Variants in CPQ observed in about 807,000 individuals in gnomAD.
The protein encoded by CPQ is carboxypeptidase Q.
A neutral mutation model predicts 45.7 loss-of-function variants in CPQ; 37 were observed. The ratio of observed to expected loss-of-function variants is 0.81; its 90% CI spans 0.62 to 1.07. The LOEUF is 1.07. Among genes scored for constraint, CPQ ranks in the 50% least tolerant of loss-of-function variants. The probability of loss-of-function intolerance (pLI) is 0.00; values close to 1 mark genes in which losing one functional copy is unlikely to be tolerated. For missense variants in CPQ, 537 were observed against 572.9 expected (o/e 0.94, Z 0.64); for synonymous variants, 186 against 205.8 (o/e 0.90, Z 0.82).
At chr8:97,137,501 G>T (rs1812080814) in intron 7 of CPQ, among the ~76,000 whole-genome samples, 1 of 152,154 alleles carries the variant, frequency 6.6e-6, no homozygotes, top group Non-Finnish European at 1.5e-5. Context: ...ACTCTGTGGG[G>T]TCCAGAGAGC....
chr8:96,927,046 G>A (rs543918085), intron 4 of CPQ, among the ~76,000 whole-genome samples: 1 of 152,366 alleles, frequency 6.6e-6, no homozygotes, highest in African/African-American at 2.4e-5. Flanking sequence ...AGGTAGCAGA[G>A]CGATGACTAT....
chr8:97,135,036 C>G (rs994667608), intron 7 of CPQ, among the ~76,000 whole-genome samples: 27 of 152,172 alleles, frequency 1.8e-4, no homozygotes, highest in African/African-American at 6.5e-4. Context: ...TCACACAGTT[C>G]AGATACTGTG....
chr8:96,934,073 A>G (rs1813012870), intron 4 of CPQ, among the ~76,000 whole-genome samples: 1 of 152,202 alleles, frequency 6.6e-6, no homozygotes, highest in Admixed American at 6.5e-5. Flanking sequence ...AGTAGGAGCC[A>G]TCAGTGGATA....
At chr8:96,691,804 G>A (rs1237526304) in intron 1 of CPQ, among the ~76,000 whole-genome samples, 2 of 152,172 alleles carry the variant, frequency 1.3e-5, no homozygotes, top group African/African-American at 4.8e-5. Context: ...ATGCTGGTAT[G>A]AGAAGTGGCT....
At chr8:96,899,394 A>G (rs1370240067) in intron 4 of CPQ, among the ~76,000 whole-genome samples, 1 of 152,224 alleles carries the variant, frequency 6.6e-6, no homozygotes, top group East Asian at 1.9e-4. Flanking sequence ...TATACATTGT[A>G]TTAGACCATT....
chr8:96,898,439 A>G (rs1001068479), intron 4 of CPQ, among the ~76,000 whole-genome samples: 1 of 152,154 alleles, frequency 6.6e-6, no homozygotes, highest in African/African-American at 2.4e-5. Context: ...CTGAGGAGGT[A>G]GCAAATGCAG....
intron 5 of CPQ, among the ~76,000 whole-genome samples, chr8:96,967,926 A>C (rs1813597613): frequency 6.6e-6 from 1 of 152,228 alleles, no homozygotes; most frequent in African/African-American, 2.4e-5. Flanking sequence ...TGCTTTGAAA[A>C]TTAAATAAGC....
chr8:96,863,210 T>C (rs1195425894), intron 3 of CPQ, among the ~76,000 whole-genome samples: 3 of 151,998 alleles, frequency 2.0e-5, no homozygotes, highest in Non-Finnish European at 4.4e-5. Flanking sequence ...TAAGGAAACA[T>C]GTTTGGAGCA....
chr8:96,817,537 ACAGC>A (rs1316974962), intron 2 of CPQ, among the ~76,000 whole-genome samples: 2 of 152,006 alleles, frequency 1.3e-5, no homozygotes, highest in Non-Finnish European at 1.5e-5. Context: ...TTCTGTCCAG[ACAGC>A]CAGAACTTTC....
chr8:96,757,583 T>C (rs934094341), intron 1 of CPQ, among the ~76,000 whole-genome samples: 11 of 151,922 alleles, frequency 7.2e-5, no homozygotes, highest in African/African-American at 2.6e-4. Flanking sequence ...TTTAAACTCT[T>C]GATTTTGTTT....
At chr8:96,905,760 C>CA (rs747470074) in intron 4 of CPQ, among the ~76,000 whole-genome samples, 4,111 of 64,054 alleles carry the variant, frequency 0.064, 50 homozygotes, top group Non-Finnish European at 0.07. Context: ...CTGTCTTAAC[C>CA]AAAAAAAAAA....
chr8:96,728,972 A>T (rs1809876809), intron 1 of CPQ, among the ~76,000 whole-genome samples: 11 of 152,202 alleles, frequency 7.2e-5, no homozygotes, highest in Admixed American at 7.2e-4. Context: ...ACAAACCTCA[A>T]AGCCCATGTC....
intron 2 of CPQ, among the ~76,000 whole-genome samples, chr8:96,817,649 T>C (rs1262016694): frequency 6.6e-6 from 1 of 151,976 alleles, no homozygotes; most frequent in Non-Finnish European, 1.5e-5. Flanking sequence ...AGTCTTGCTC[T>C]GTCACACAGG....
At chr8:96,924,905 A>G (rs72664527) in intron 4 of CPQ, among the ~76,000 whole-genome samples, 8,465 of 152,188 alleles carry the variant, frequency 0.056, 339 homozygotes, top group Non-Finnish European at 0.077. Flanking sequence ...TGACTTTTTA[A>G]CTTTTTTGTT....
chr8:96,664,842 T>C lies in CPQ; in HGVS notation c.-35+19440T>C, dbSNP rs963396841. ...ACTGGACAGGCAACATTAATCTAGCTGCCATTGTACCGCACACATGCTGAA... is the reference window on the plus strand; with the variant it reads ...ACTGGACAGGCAACATTAATCTAGCCGCCATTGTACCGCACACATGCTGAA... On this transcript the variant is annotated intron_variant, in intron 1 of 7. Transcript: ENST00000220763. 2.6e-5 allele frequency among the ~76,000 whole-genome samples: 4 copies of C among 152,302 alleles called. No individual in the cohort carries two copies. In the South Asian group the frequency reaches 8.3e-4, roughly 32 times the overall value.
At chr8:96,769,609 T>A (rs1810513992) in intron 1 of CPQ, among the ~76,000 whole-genome samples, 1 of 151,432 alleles carries the variant, frequency 6.6e-6, no homozygotes, top group African/African-American at 2.4e-5. Context: ...GAGTTCATAG[T>A]TGGTTCTGTT....
chr8:97,134,244 G>T (rs1011824065), intron 7 of CPQ, among the ~76,000 whole-genome samples: 1 of 152,222 alleles, frequency 6.6e-6, no homozygotes, highest in Non-Finnish European at 1.5e-5. Flanking sequence ...GGGTGAAAAA[G>T]CCCCTGCTCT....
At chr8:97,006,305 C>A (rs1809380945) in intron 5 of CPQ, among the ~76,000 whole-genome samples, 1 of 151,838 alleles carries the variant, frequency 6.6e-6, no homozygotes, top group South Asian at 2.1e-4. Context: ...TTTTTTAAGT[C>A]TCTTCCCGTG....
chr8:96,672,548 TG>T (rs1451609830), intron 1 of CPQ, among the ~76,000 whole-genome samples: 7 of 151,928 alleles, frequency 4.6e-5, no homozygotes, highest in African/African-American at 7.3e-5. Flanking sequence ...TTAAATAGGG[TG>T]GTCAGATCAC....
Sources: allele counts gnomAD v4.1 joint callset (sites outside exome capture counted in the v4.1 genomes callset), GRCh38; gene constraint gnomAD v4.1.1; transcripts MANE v1.5; gene names NCBI Gene and HGNC (gene_info 2026-07-23, HGNC 2026-07-21).